Variants in RASA3 observed in about 807,000 individuals in gnomAD.
RASA3 encodes ras GTPase-activating protein 3.
A neutral mutation model predicts 110.0 loss-of-function variants in RASA3; 73 were observed. That is an observed-to-expected ratio of 0.66 (90% CI 0.55 to 0.81). The LOEUF is 0.81. RASA3 is among the 30% of genes least tolerant of loss of function. The pLI is 0.00. For synonymous variants in RASA3, 500 were observed against 451.4 expected, an observed-to-expected ratio of 1.11 and a Z score of -1.37; for missense variants, 976 against 1,113.2, an observed-to-expected ratio of 0.88 and a Z score of 1.75.
chr13:114,013,154 C>T lies in RASA3; in HGVS notation c.1500G>A (p.Thr500=), dbSNP rs371222012. The T allele has an allele frequency of 1.9e-5, 31 of 1,612,660 alleles. No individual in the cohort carries two copies. Among genetic ancestry groups the T allele is most frequent in the South Asian group, 5.5e-5 (5 of 90,824 alleles). Residue 500 remains threonine (T), a synonymous_variant, in exon 15 of 24, where the codon ACG becomes ACA. Transcript: ENST00000334062. ...AILSPNLFQL[T]PHHTDPQTSR... ...GCCGGTCACTCACCGTGTGGTGCGG[C>T]GTGAGCTGGAAGAGGTTGGGGGAGA...
In RASA3 at chr13:114,114,109, G is replaced by C. The variant is rs187729061; in HGVS notation, c.55+18326C>G. Among the ~76,000 whole-genome samples, 1 of 152,074 alleles carries C rather than the reference G, an allele frequency of 6.6e-6. No homozygotes were observed. Among genetic ancestry groups the C allele is most frequent in the Non-Finnish European group, 1.5e-5 (1 of 68,028 alleles). ...TGTCTGCGATGTCTGTAGTGTCTGC[G>C]ATGTCTGTAGTATCTGCAATGTCCA... On this transcript the variant is annotated intron_variant, in intron 1 of 23. Transcript: ENST00000334062. The surrounding 1 kb of genome is among the most constrained non-coding windows in gnomAD (Gnocchi z 4.8).
chr13:114,102,991 G>A (rs921571089), intron 1 of RASA3, among the ~76,000 whole-genome samples: 2 of 151,926 alleles, frequency 1.3e-5, no homozygotes, highest in African/African-American at 2.4e-5. Flanking sequence ...CCTGCTGCTC[G>A]CTCACCCCTA....
At position 114,074,934 on chromosome 13, in the gene RASA3, G is replaced by A. The variant is rs113478752; in HGVS notation, c.56-1097C>T. 3.9e-5 allele frequency among the ~76,000 whole-genome samples: 6 copies of A among 152,372 alleles called. 1 individual carries two copies. Among genetic ancestry groups the A allele is most frequent in the African/African-American group, 1.4e-4 (6 of 41,588 alleles). On this transcript the variant is annotated intron_variant, in intron 1 of 23. Transcript: ENST00000334062. ...GAGCAGGAAGGGATGAGTGACAGCT[G>A]TCAATCCAGACAGCGGATGCCCAGT...
intron 1 of RASA3, chr13:114,078,019 A>T: frequency 1.0e-6 from 1 of 977,218 alleles, no homozygotes; most frequent in Non-Finnish European, 1.2e-6. Flanking sequence ...CTCCTGAGAA[A>T]CATCCTGGTT....
chr13:114,035,598 G>A (rs1215415278), intron 4 of RASA3: 1 of 152,446 alleles, frequency 6.6e-6, no homozygotes, highest in Non-Finnish European at 1.5e-5. Context: ...AGCGCGCAGA[G>A]CCGGGTCAGG....
chr13:114,110,954 C>T (rs9805752), intron 1 of RASA3, among the ~76,000 whole-genome samples: 19,573 of 142,880 alleles, frequency 0.14, 1,592 homozygotes, highest in Middle Eastern at 0.28. Flanking sequence ...GGAAAGACAT[C>T]GCCAGACACC....
chr13:114,113,979 G>A (rs2080247583), intron 1 of RASA3, among the ~76,000 whole-genome samples: 1 of 122,686 alleles, frequency 8.2e-6, no homozygotes, highest in Non-Finnish European at 1.7e-5. Context: ...CCACCATGGC[G>A]AGTGATGTCC....
In RASA3 at chr13:113,992,564, C is replaced by T; in HGVS notation, c.2166G>A (p.Leu722=). Residue 722 remains leucine, a synonymous_variant, in exon 22 of 24, where the codon CTG becomes CTA. Coordinates refer to ENST00000334062, the MANE Select transcript of RASA3 (RefSeq NM_007368.4). ...CCGTCTCACGGTCCCCATCAATGTC[C>T]AGCTGGATGTTGGCTGGGAGGCCGC... is the stretch of plus-strand genomic sequence containing the variant. ...CTGGLPANIQ[L]DIDGDRETER... 1 of 1,613,452 alleles carries T rather than the reference C, an allele frequency of 6.2e-7. No homozygotes were observed. The highest frequency in any genetic ancestry group is 1.1e-5 in the South Asian group (1 of 91,076).
chr13:114,080,297 C>T (rs2079762524), intron 1 of RASA3, among the ~76,000 whole-genome samples: 1 of 152,186 alleles, frequency 6.6e-6, no homozygotes, highest in Non-Finnish European at 1.5e-5. Context: ...TGCTGGGAGC[C>T]CCTGGCACCA....
At chr13:114,002,189 T>G (rs1393223382) in intron 18 of RASA3, among the ~76,000 whole-genome samples, 1 of 150,468 alleles carries the variant, frequency 6.6e-6, no homozygotes, top group African/African-American at 2.5e-5. Context: ...AGTGGGGAGG[T>G]GGGCGGGGGA....
intron 18 of RASA3, 72 bp from the exon 19 acceptor site, chr13:114,001,004 C>T (rs1283879248): frequency 1.1e-5 from 11 of 981,814 alleles, no homozygotes; most frequent in Middle Eastern, 4.3e-4. Flanking sequence ...AACCACACCC[C>T]CCACTTTCTG....
chr13:114,129,214 C>A (rs1355271113), intron 1 of RASA3, among the ~76,000 whole-genome samples: 2 of 152,228 alleles, frequency 1.3e-5, no homozygotes, highest in Non-Finnish European at 2.9e-5. Context: ...CTCAGTCATG[C>A]ATGATACACA....
At position 114,048,201 on chromosome 13, in the gene RASA3, G is replaced by C. The variant is rs1313672809; in HGVS notation, c.277+3851C>G. Among the ~76,000 whole-genome samples the C allele has an allele frequency of 6.6e-6, 1 of 152,010 alleles. No individual in the cohort carries two copies. Among genetic ancestry groups the C allele is most frequent in the Non-Finnish European group, 1.5e-5 (1 of 68,010 alleles). ...GTGGTGGCGGGCGCCTGTAGTCCCA[G>C]CTACTCGGGAAGCTGAGGCAGGAGA... On this transcript the variant is annotated intron_variant, in intron 3 of 23. Coordinates refer to ENST00000334062, the MANE Select transcript of RASA3 (RefSeq NM_007368.4). The surrounding 1 kb of genome is among the most constrained non-coding windows in gnomAD (Gnocchi z 4.3).
chr13:114,121,867 T>C (rs1028403474), intron 1 of RASA3, among the ~76,000 whole-genome samples: 1 of 152,168 alleles, frequency 6.6e-6, no homozygotes, highest in Admixed American at 6.5e-5. Flanking sequence ...CTTCTCGGAA[T>C]CTCTCTCCTG....
intron 1 of RASA3, among the ~76,000 whole-genome samples, chr13:114,089,628 C>T (rs1005735886): frequency 6.6e-6 from 1 of 152,200 alleles, no homozygotes; most frequent in Non-Finnish European, 1.5e-5. Flanking sequence ...AGACATCAGC[C>T]GCGCACGGCC....
chr13:113,997,526 C>A (rs2053283685), intron 20 of RASA3, among the ~76,000 whole-genome samples: 1 of 150,882 alleles, frequency 6.6e-6, no homozygotes, highest in Non-Finnish European at 1.5e-5. Context: ...GGTCCTGGGG[C>A]AGGTGGGACA....
chr13:114,047,181 G>A (rs117086380), intron 3 of RASA3, among the ~76,000 whole-genome samples: 1,899 of 152,278 alleles, frequency 0.012, 101 homozygotes, highest in Admixed American at 0.092. Flanking sequence ...TGATAGACTC[G>A]TATCCAGAAT....
intron 3 of RASA3, among the ~76,000 whole-genome samples, chr13:114,043,003 G>A (rs541877943): frequency 3.3e-5 from 5 of 152,328 alleles, no homozygotes; most frequent in South Asian, 2.1e-4. Flanking sequence ...GTCCCAGGAC[G>A]CATCTTCCCT....
intron 21 of RASA3, 64 bp from the exon 22 acceptor site, chr13:113,992,652 AC>A: frequency 1.6e-6 from 2 of 1,222,078 alleles, no homozygotes; most frequent in Non-Finnish European, 2.4e-6. Flanking sequence ...TTTAATAATG[AC>A]ATTCATTTTT....
Sources: gnomAD v4.1 joint callset for allele counts (sites outside exome capture counted in the v4.1 genomes callset) on GRCh38, gnomAD v4.1.1 for gene constraint, Gnocchi (gnomAD v3.1) non-coding constraint, MANE v1.5 for transcripts, NCBI Gene and HGNC (gene_info 2026-07-23, HGNC 2026-07-21) for gene names.